The following CACNA2D1 variants were observed in gnomAD, a reference collection of about 807,000 sequenced individuals.
CACNA2D1 encodes calcium voltage-gated channel auxiliary subunit alpha2delta 1, also known as voltage-dependent calcium channel subunit alpha-2/delta-1.
A neutral mutation model predicts 171.5 loss-of-function variants in CACNA2D1; 53 were observed. That is an observed-to-expected ratio of 0.31 (90% CI 0.25 to 0.39). The LOEUF is 0.39. Among genes scored for constraint, CACNA2D1 ranks in the 10% least tolerant of loss-of-function variants. The probability of loss-of-function intolerance (pLI) is 1.00; values close to 1 mark genes in which losing one functional copy is unlikely to be tolerated. For synonymous variants in CACNA2D1, 442 were observed against 443.1 expected (o/e 1.00, Z 0.03); for missense variants, 903 against 1,299.8 (o/e 0.69, Z 4.69).
intron 38 of CACNA2D1, among the ~76,000 whole-genome samples, chr7:81,955,474 A>C (rs1396663740): frequency 6.6e-6 from 1 of 152,120 alleles, no homozygotes; most frequent in Non-Finnish European, 1.5e-5. Flanking sequence ...TTCAAATAGC[A>C]CTAAGTGGAT....
chr7:82,093,652 T>C (rs2129022672), intron 6 of CACNA2D1, among the ~76,000 whole-genome samples: 1 of 152,228 alleles, frequency 6.6e-6, no homozygotes, highest in African/African-American at 2.4e-5. Flanking sequence ...AGAAAATAAT[T>C]TTTACAATGG....
At chr7:82,072,247 AGAT>A (rs1225385611) in intron 7 of CACNA2D1, among the ~76,000 whole-genome samples, 1 of 152,124 alleles carries the variant, frequency 6.6e-6, no homozygotes, top group Non-Finnish European at 1.5e-5. Flanking sequence ...TAATACAAAG[AGAT>A]GATGAACACT....
At position 81,984,681 on chromosome 7, in the gene CACNA2D1, A is replaced by C. The variant is rs1796779335; in HGVS notation, c.1827T>G (p.Phe609Leu). Reference sequence around the variant, plus strand: ...CTTCTAGTTTGGCTTTTATATAGTAAAAACTGTAGGTTGGTAATACCAAGG... The same window carrying C: ...CTTCTAGTTTGGCTTTTATATAGTACAAACTGTAGGTTGGTAATACCAAGG... The part of the protein sequence containing the change: ...SLALVLPTYS[F>L]YYIKAKLEET... The change falls in exon 22 of 39, where the codon TTT (phenylalanine) becomes TTG (leucine). Residue 609 changes from phenylalanine (F) to leucine (L), a missense_variant. Around this residue, in one of 5 missense-constraint regions of CACNA2D1, gnomAD observed 623 missense variants for 925.5 expected, o/e 0.67. Coordinates refer to ENST00000356860, the MANE Select transcript of CACNA2D1 (RefSeq NM_000722.4). 1 of 1,569,288 alleles carries C rather than the reference A, an allele frequency of 6.4e-7. No homozygotes were observed. Among genetic ancestry groups the C allele is most frequent in the African/African-American group, 1.3e-5 (1 of 74,378 alleles).
intron 3 of CACNA2D1, among the ~76,000 whole-genome samples, chr7:82,263,376 G>T (rs553427429): frequency 1.3e-5 from 2 of 152,110 alleles, no homozygotes; most frequent in South Asian, 4.2e-4. Flanking sequence ...ATCCCAAAGA[G>T]CTGGGATTAC....
chr7:82,251,607 G>T (rs1304271178), intron 3 of CACNA2D1, among the ~76,000 whole-genome samples: 3 of 152,108 alleles, frequency 2.0e-5, no homozygotes, highest in Admixed American at 1.3e-4. Flanking sequence ...GGGTGTGAAA[G>T]GATTAAGCTG....
chr7:82,315,625 A>T (rs1048144306), intron 3 of CACNA2D1, among the ~76,000 whole-genome samples: 1 of 152,182 alleles, frequency 6.6e-6, no homozygotes, highest in African/African-American at 2.4e-5. Flanking sequence ...AAAAAAAATC[A>T]GGTAAGATAA....
At chr7:82,155,502 C>T (rs6975855) in intron 4 of CACNA2D1, among the ~76,000 whole-genome samples, 60,571 of 151,892 alleles carry the variant, frequency 0.4, 12,306 homozygotes, top group Middle Eastern at 0.53. Flanking sequence ...ATATACCATA[C>T]ATTTTTTTGT....
intron 3 of CACNA2D1, among the ~76,000 whole-genome samples, chr7:82,323,408 C>G (rs1186154137): frequency 1.3e-5 from 2 of 152,138 alleles, no homozygotes; most frequent in African/African-American, 2.4e-5. Context: ...AGAAAGAACA[C>G]TGTACAAGTA....
chr7:82,375,407 G>A (rs1373582937), intron 1 of CACNA2D1, among the ~76,000 whole-genome samples: 1 of 152,182 alleles, frequency 6.6e-6, no homozygotes, highest in Non-Finnish European at 1.5e-5. Context: ...TGTTAGAACT[G>A]CAGGTGCCAA....
chr7:82,392,806 T>A (rs1277036771), intron 1 of CACNA2D1, among the ~76,000 whole-genome samples: 1 of 152,072 alleles, frequency 6.6e-6, no homozygotes, highest in Non-Finnish European at 1.5e-5. Flanking sequence ...AATACAACAA[T>A]TCCAATTAGA....
intron 3 of CACNA2D1, among the ~76,000 whole-genome samples, chr7:82,325,549 C>A (rs192634155): frequency 6.6e-6 from 1 of 152,130 alleles, no homozygotes; most frequent in East Asian, 1.9e-4. Flanking sequence ...TAAATTTTGG[C>A]TAAGATTATT....
At chr7:82,031,494 T>C (rs1802693559) in intron 12 of CACNA2D1, among the ~76,000 whole-genome samples, 2 of 151,928 alleles carry the variant, frequency 1.3e-5, no homozygotes, top group Non-Finnish European at 2.9e-5. Flanking sequence ...CTCTATGCTA[T>C]TAAAATCACC....
At chr7:82,047,968 G>A (rs1275390313) in intron 10 of CACNA2D1, among the ~76,000 whole-genome samples, 2 of 152,134 alleles carry the variant, frequency 1.3e-5, no homozygotes, top group Non-Finnish European at 2.9e-5. Flanking sequence ...GGATGATCAG[G>A]CAGCTATCTA....
intron 1 of CACNA2D1, among the ~76,000 whole-genome samples, chr7:82,357,236 A>G (rs1467225086): frequency 2.0e-5 from 3 of 152,194 alleles, no homozygotes; most frequent in Non-Finnish European, 4.4e-5. Flanking sequence ...TGCAGTGTAT[A>G]GTTCAGTAAA....
intron 1 of CACNA2D1, among the ~76,000 whole-genome samples, chr7:82,410,878 T>A (rs893985358): frequency 6.6e-6 from 1 of 152,230 alleles, no homozygotes; most frequent in Admixed American, 6.5e-5. Context: ...TTCATAATCA[T>A]AAAAGGAATC....
intron 1 of CACNA2D1, among the ~76,000 whole-genome samples, chr7:82,398,922 T>C (rs1826038625): frequency 6.6e-6 from 1 of 151,910 alleles, no homozygotes; most frequent in Non-Finnish European, 1.5e-5. Flanking sequence ...CTTCTTTCCT[T>C]CCTTCCATCC....
chr7:82,428,966 C>CAAT (rs1829437271), intron 1 of CACNA2D1, among the ~76,000 whole-genome samples: 1 of 152,072 alleles, frequency 6.6e-6, no homozygotes, highest in Admixed American at 6.6e-5. Context: ...GTTAGTAGAG[C>CAAT]AATACAGAAC....
chr7:82,374,384 C>T (rs986951197), intron 1 of CACNA2D1, among the ~76,000 whole-genome samples: 2 of 152,108 alleles, frequency 1.3e-5, no homozygotes, highest in East Asian at 1.9e-4. Flanking sequence ...CGTACAGACA[C>T]GGCTCTATTT....
intron 3 of CACNA2D1, among the ~76,000 whole-genome samples, chr7:82,248,318 G>A (rs6969261): frequency 0.016 from 2,357 of 152,020 alleles, 37 homozygotes; most frequent in Middle Eastern, 0.071. Flanking sequence ...CCCTCTTTTT[G>A]GAAGACTGAT....
Sources: gnomAD v4.1 joint callset for allele counts (sites outside exome capture counted in the v4.1 genomes callset) on GRCh38, gnomAD v4.1.1 for gene constraint, gnomAD v4.1.1 regional missense constraint, MANE v1.5 for transcripts, NCBI Gene and HGNC (gene_info 2026-07-23, HGNC 2026-07-21) for gene names.